Variants in ZNF24 observed in about 807,000 individuals in gnomAD.
ZNF24 encodes zinc finger protein 24, also known as retinoic acid suppression protein A.
Under a neutral mutation model 40.9 loss-of-function variants are expected in ZNF24, and 11 were observed. The ratio of observed to expected loss-of-function variants is 0.27; its 90% confidence interval spans 0.17 to 0.45. The LOEUF is 0.45. Ranked by LOEUF, ZNF24 falls within the 20% of genes least tolerant of loss-of-function variation. The pLI is 1.00. For synonymous variants in ZNF24, 139 were observed against 154.7 expected (o/e 0.90, Z 0.75); for missense variants, 293 against 437.7 (o/e 0.67, Z 2.95).
In ZNF24 at chr18:35,337,583, T is replaced by C; in HGVS notation, c.756A>G (p.Ile252Met). The C allele has an allele frequency of 6.2e-7, 1 of 1,614,160 alleles. No homozygotes were observed. The highest frequency in any genetic ancestry group is 8.5e-7 in the Non-Finnish European group (1 of 1,180,000). Reference sequence around the variant, plus strand: ...TGAAGTGTTTTCCACATTCATCACATATATGTTGTTTCTTTCGAGAGGGAT... The same window carrying C: ...TGAAGTGTTTTCCACATTCATCACACATATGTTGTTTCTTTCGAGAGGGAT... The part of the protein sequence containing the change: ...KRNPSRKKQH[I>M]CDECGKHFSQ... The change falls in exon 4 of 4, where the codon ATA becomes ATG. Residue 252 changes from isoleucine (I) to methionine (M), a missense_variant. By Grantham distance (10) the Ile-to-Met change is conservative. Transcript: ENST00000261332.
chr18:35,333,038 ATGAAGGCC>A lies in ZNF24; in HGVS notation c.*4186_*4193del, dbSNP rs2044872216. 6.6e-6 allele frequency: 1 copy of A among 152,168 alleles called. No individual in the cohort carries two copies. Among genetic ancestry groups the A allele is most frequent in the Admixed American group, 6.5e-5 (1 of 15,278 alleles). 9.4% of individuals were successfully genotyped at this position (152,168 alleles called of 1,614,324 possible). On this transcript the variant is annotated 3_prime_UTR_variant, in exon 4 of 4. Transcript: ENST00000261332. Reference sequence around the variant, plus strand: ...CCATACACTTGGTGAAAATACAGTTATGAAGGCCTTTGGGAAGACTGAAGGTGGACAGA... The same window carrying A: ...CCATACACTTGGTGAAAATACAGTTATTTGGGAAGACTGAAGGTGGACAGA...
At chr18:35,339,172 C>T (rs2044941234) in intron 3 of ZNF24, 2 of 825,772 alleles carry the variant, frequency 2.4e-6, no homozygotes, top group African/African-American at 1.7e-5. Context: ...AAAGGATACA[C>T]ATAAGTATAT....
chr18:35,341,541 T>G (rs545762759), intron 1 of ZNF24, among the ~76,000 whole-genome samples: 1 of 152,352 alleles, frequency 6.6e-6, no homozygotes, highest in South Asian at 2.1e-4. Context: ...GGCAGGTCCT[T>G]CAGGAGGTAT....
chr18:35,341,919 C>A (rs770166875), intron 1 of ZNF24, among the ~76,000 whole-genome samples: 1 of 152,080 alleles, frequency 6.6e-6, no homozygotes, highest in Non-Finnish European at 1.5e-5. Flanking sequence ...AAAGCTGTGC[C>A]GGGCACGGTG....
In ZNF24 at chr18:35,339,990, G is replaced by T; in HGVS notation, c.421-14C>A. ...ACGGAGAGAAACCTGGAAACAGAAA[G>T]ATTTGATTCAGAGAAGGAACTGTAA... On this transcript the variant is annotated splice_polypyrimidine_tract_variant and intron_variant, in intron 2 of 3. Coordinates refer to ENST00000261332, the MANE Select transcript of ZNF24 (RefSeq NM_006965.4). The T allele has an allele frequency of 6.2e-7, 1 of 1,602,452 alleles. No individual in the cohort carries two copies.
rs549398325 is a variant in ZNF24, at chr18:35,340,881, C to A, written c.-83-148G>T. 1.8e-5 allele frequency: 9 copies of A among 507,416 alleles called. No individual in the cohort carries two copies. Among genetic ancestry groups the A allele is most frequent in the African/African-American group, 1.5e-4 (8 of 51,688 alleles). 31.4% of individuals were successfully genotyped at this position (507,416 alleles called of 1,614,324 possible). On this transcript the variant is annotated intron_variant, in intron 1 of 3. Transcript: ENST00000261332. The surrounding 1 kb of genome is among the most constrained non-coding windows in gnomAD (Gnocchi z 4.6). ...CAGGAATTGGCAAACTACAGCTTCACGGCCAAATCTAGCCTGCCACCCATT... is the reference window on the plus strand; with the variant it reads ...CAGGAATTGGCAAACTACAGCTTCAAGGCCAAATCTAGCCTGCCACCCATT...
At chr18:35,342,259 G>A (rs2044976629) in intron 1 of ZNF24, among the ~76,000 whole-genome samples, 1 of 151,764 alleles carries the variant, frequency 6.6e-6, no homozygotes, top group Non-Finnish European at 1.5e-5. Flanking sequence ...GCTGTACAAT[G>A]TGTTTGTATT....
At chr18:35,339,720 T>C (rs1337647236) in intron 3 of ZNF24, 109 bp downstream of exon 3, 79 of 970,874 alleles carry the variant, frequency 8.1e-5, no homozygotes, top group Non-Finnish European at 1.1e-4. Flanking sequence ...AACTGAGATA[T>C]TAGATTAAGA....
intron 3 of ZNF24, among the ~76,000 whole-genome samples, 196 bp downstream of exon 3, chr18:35,339,633 A>AGGGAAGAAAAGGCTGAAGATGTTAATGTC (rs1256727241): frequency 6.6e-6 from 1 of 152,218 alleles, no homozygotes; most frequent in Non-Finnish European, 1.5e-5. Flanking sequence ...GGAGACTGAA[A>AGGGAAGAAAAGGCTGAAGATGTTAATGTC]GGGAAGAAAA....
In ZNF24 at chr18:35,334,692, G is replaced by A. The variant is rs1295417836; in HGVS notation, c.*2540C>T. The A allele has an allele frequency of 6.6e-6, 1 of 152,190 alleles. No homozygotes were observed. The highest frequency in any genetic ancestry group is 1.5e-5 in the Non-Finnish European group (1 of 68,040). 9.4% of individuals were successfully genotyped at this position (152,190 alleles called of 1,614,324 possible). ...ATATCACCACTTCATCAGAAGCTAG[G>A]CACTCCCCCAAATTTCTATGATTAT... On this transcript the variant is annotated 3_prime_UTR_variant, in exon 4 of 4. Coordinates refer to ENST00000261332, the MANE Select transcript of ZNF24 (RefSeq NM_006965.4).
At position 35,336,526 on chromosome 18, in the gene ZNF24, G is replaced by C. The variant is rs1369304880; in HGVS notation, c.*706C>G. ...ATATGGGAAAACATTATTTTCATTA[G>C]TAAGATGACTCCAAATTATAGAGAG... is the stretch of plus-strand genomic sequence containing the variant. On this transcript the variant is annotated 3_prime_UTR_variant, in exon 4 of 4. Coordinates refer to ENST00000261332, the MANE Select transcript of ZNF24 (RefSeq NM_006965.4). The C allele has an allele frequency of 2.0e-5, 3 of 152,112 alleles. No individual in the cohort carries two copies. The highest frequency in any genetic ancestry group is 4.4e-5 in the Non-Finnish European group (3 of 68,012). The allele number at this position is 152,112 out of a possible 1,614,324, so 9.4% of individuals were successfully genotyped here. A position where few individuals can be genotyped will look rare whatever the true frequency, so the allele number is the denominator to read the frequency against.
intron 1 of ZNF24, among the ~76,000 whole-genome samples, chr18:35,341,821 C>G (rs1026254890): frequency 6.6e-6 from 1 of 152,036 alleles, no homozygotes; most frequent in Non-Finnish European, 1.5e-5. Flanking sequence ...GAGTTCAAGG[C>G]TCCACTGAGC....
Position 35,339,921 on chromosome 18 carries a change from T to A in ZNF24, c.476A>T (p.Glu159Val). Residue 159 changes from glutamate (E) to valine (V), a missense_variant, in exon 3 of 4, where the codon GAA becomes GTA. This residue lies in a region of ZNF24 where 234 missense variants were observed against 299.2 expected (regional missense o/e 0.78). Transcript: ENST00000261332. ...EVLVEDMVSQ[E>V]EAQGLPSSEL... is the part of the protein sequence containing the mutation. ...AGAACTTGGTAATCCCTGAGCTTCT[T>A]CTTGAGATACCATGTCTTCTACTAG... The A allele has an allele frequency of 6.2e-7, 1 of 1,613,598 alleles. No homozygotes were observed. The highest frequency in any genetic ancestry group is 2.2e-5 in the East Asian group (1 of 44,846).
At chr18:35,339,787 C>A in intron 3 of ZNF24, 42 bp downstream of exon 3, 1 of 1,534,746 alleles carries the variant, frequency 6.5e-7, no homozygotes, top group Non-Finnish European at 8.8e-7. Context: ...AAGGCCTATA[C>A]TCTCTTTCAC....
At position 35,337,200 on chromosome 18, in the gene ZNF24, T is replaced by G. The variant is rs781540783; in HGVS notation, c.*32A>C. 2 of 1,413,010 alleles carry G rather than the reference T, an allele frequency of 1.4e-6. No homozygotes were observed. Among genetic ancestry groups the G allele is most frequent in the Admixed American group, 2.5e-5 (1 of 40,246 alleles). The allele number at this position is 1,413,010 out of a possible 1,614,324, so 87.5% of individuals were successfully genotyped here. ...GTCTTCATTTCTGAAGAAAAAGACC[T>G]GAGTGCTGATTCTTTTTTTTTTTTC... is the stretch of plus-strand genomic sequence containing the variant. On this transcript the variant is annotated 3_prime_UTR_variant, in exon 4 of 4. Transcript: ENST00000261332.
chr18:35,343,281 G>A (rs2044985895), intron 1 of ZNF24, among the ~76,000 whole-genome samples: 1 of 152,158 alleles, frequency 6.6e-6, no homozygotes, highest in East Asian at 1.9e-4. Context: ...ATTAATCACA[G>A]AAACTTCTAT....
chr18:35,342,113 T>C lies in ZNF24; in HGVS notation c.-83-1380A>G, dbSNP rs542398620. On this transcript the variant is annotated intron_variant, in intron 1 of 3. Coordinates refer to ENST00000261332, the MANE Select transcript of ZNF24 (RefSeq NM_006965.4). ...GGGGAGATTGAGGCAGGAGAATCTC[T>C]TGAACCCGCGAGGTGGAGGCTGCAG... Among the ~76,000 whole-genome samples, 8 of 152,130 alleles carry C rather than the reference T, an allele frequency of 5.3e-5. No homozygotes were observed. In the South Asian group the frequency reaches 1.7e-3, roughly 32 times the overall value.
At position 35,336,466 on chromosome 18, in the gene ZNF24, C is replaced by T. The variant is rs1245833039; in HGVS notation, c.*766G>A. The T allele has an allele frequency of 6.6e-6, 1 of 152,122 alleles. No individual in the cohort carries two copies. Among genetic ancestry groups the T allele is most frequent in the Non-Finnish European group, 1.5e-5 (1 of 68,036 alleles). 9.4% of individuals were successfully genotyped at this position (152,122 alleles called of 1,614,324 possible). On this transcript the variant is annotated 3_prime_UTR_variant, in exon 4 of 4. Transcript: ENST00000261332. ...AATTTCTACCTTCATTATTTTACAA[C>T]TGTTTATTATTTAGACTGTATGCTT...
chr18:35,337,548 G>A lies in ZNF24; in HGVS notation c.791C>T (p.Ser264Leu). ...DECGKHFSQGSALILHQRIHS... is the reference protein window; with the variant it reads ...DECGKHFSQGLALILHQRIHS... ...AATTCTTTGATGAAGAATAAGGGCTGAGCCCTGACTGAAGTGTTTTCCACA... is the reference window on the plus strand; with the variant it reads ...AATTCTTTGATGAAGAATAAGGGCTAAGCCCTGACTGAAGTGTTTTCCACA... The change falls in exon 4 of 4, where the codon TCA becomes TTA. Residue 264 changes from serine to leucine, a missense_variant. By Grantham distance (145) the Ser-to-Leu change is moderately radical (BLOSUM62 -2). This residue lies in a region of ZNF24 where 59 missense variants were observed against 138.6 expected (regional missense o/e 0.43). Transcript: ENST00000261332. 6.2e-7 allele frequency: 1 copy of A among 1,614,146 alleles called. No individual in the cohort carries two copies. Among genetic ancestry groups the A allele is most frequent in the Non-Finnish European group, 8.5e-7 (1 of 1,179,976 alleles).
Sources: allele counts gnomAD v4.1 joint callset (sites outside exome capture counted in the v4.1 genomes callset), GRCh38; gene constraint gnomAD v4.1.1; regional missense constraint gnomAD v4.1.1; non-coding constraint Gnocchi (gnomAD v3.1); transcripts MANE v1.5; gene names NCBI Gene and HGNC (gene_info 2026-07-23, HGNC 2026-07-21).